The following KCNC2 variants were observed in gnomAD, a reference collection of about 807,000 sequenced individuals.
KCNC2 encodes the protein potassium voltage-gated channel subfamily C member 2.
Under a neutral mutation model 44.5 loss-of-function variants are expected in KCNC2, and 21 were observed. That is an observed-to-expected ratio of 0.47 (90% CI 0.33 to 0.68). KCNC2 has a LOEUF of 0.68. Among genes scored for constraint, KCNC2 ranks in the 30% least tolerant of loss-of-function variants. KCNC2 has a pLI of 0.01. For synonymous variants in KCNC2, 391 were observed against 339.1 expected (o/e 1.15, Z -1.68); for missense variants, 589 against 826.2 (o/e 0.71, Z 3.52).
intron 2 of KCNC2, among the ~76,000 whole-genome samples, chr12:75,181,014 A>G (rs530490178): frequency 6.6e-6 from 1 of 152,276 alleles, no homozygotes; most frequent in South Asian, 2.1e-4. Flanking sequence ...TGAACTTCTA[A>G]CATGTTGAGT....
At chr12:75,101,977 A>T (rs1484823434) in intron 2 of KCNC2, among the ~76,000 whole-genome samples, 2 of 152,132 alleles carry the variant, frequency 1.3e-5, no homozygotes, top group Non-Finnish European at 2.9e-5. Flanking sequence ...GGGAAATAAT[A>T]ATAGTATGTC....
chr12:75,167,696 T>C (rs1181054141), intron 2 of KCNC2, among the ~76,000 whole-genome samples: 1 of 151,480 alleles, frequency 6.6e-6, no homozygotes, highest in Non-Finnish European at 1.5e-5. Context: ...TCTGTGTTTA[T>C]GGCTCTTGTG....
intron 2 of KCNC2, among the ~76,000 whole-genome samples, chr12:75,079,492 A>G (rs1445126917): frequency 6.6e-6 from 1 of 152,162 alleles, no homozygotes; most frequent in Non-Finnish European, 1.5e-5. Context: ...AAATGGATAA[A>G]TGGAGTCTGA....
At chr12:75,069,341 G>A (rs1234364117) in intron 2 of KCNC2, among the ~76,000 whole-genome samples, 1 of 151,678 alleles carries the variant, frequency 6.6e-6, no homozygotes, top group Non-Finnish European at 1.5e-5. Context: ...TCTCCATGTT[G>A]GTCAGGCTGG....
chr12:75,175,206 G>C (rs1204413310), intron 2 of KCNC2, among the ~76,000 whole-genome samples: 1 of 151,942 alleles, frequency 6.6e-6, no homozygotes, highest in African/African-American at 2.4e-5. Context: ...TGAGGTGAGA[G>C]AGGCATTAGC....
At chr12:75,071,845 G>A (rs761105502) in intron 2 of KCNC2, among the ~76,000 whole-genome samples, 1 of 143,546 alleles carries the variant, frequency 7.0e-6, no homozygotes, top group Non-Finnish European at 1.5e-5. Context: ...GCTGAGGCAG[G>A]AGAATCGCTT....
chr12:75,090,551 C>A (rs1885387773), intron 2 of KCNC2, among the ~76,000 whole-genome samples: 1 of 151,644 alleles, frequency 6.6e-6, no homozygotes, highest in African/African-American at 2.4e-5. Context: ...TCCTTTACCC[C>A]TGCCACCAGT....
At chr12:75,100,418 T>C (rs1193567130) in intron 2 of KCNC2, among the ~76,000 whole-genome samples, 1 of 152,062 alleles carries the variant, frequency 6.6e-6, no homozygotes, top group African/African-American at 2.4e-5. Flanking sequence ...TGGCACTTAA[T>C]TTTAAAGGCT....
intron 2 of KCNC2, among the ~76,000 whole-genome samples, chr12:75,156,955 T>C (rs1890802423): frequency 1.3e-5 from 2 of 151,834 alleles, no homozygotes; most frequent in African/African-American, 4.8e-5. Flanking sequence ...GTGTTGACTA[T>C]GCGCTATAAA....
At chr12:75,117,807 G>T (rs190058952) in intron 2 of KCNC2, among the ~76,000 whole-genome samples, 4 of 151,950 alleles carry the variant, frequency 2.6e-5, no homozygotes, top group Non-Finnish European at 5.9e-5. Flanking sequence ...GTTTTTAAAC[G>T]AAGATCATAT....
At chr12:75,145,180 T>C (rs1847328533) in intron 2 of KCNC2, among the ~76,000 whole-genome samples, 1 of 152,026 alleles carries the variant, frequency 6.6e-6, no homozygotes, top group African/African-American at 2.4e-5. Context: ...GGTTGGTCTA[T>C]GTCTTAACTT....
intron 2 of KCNC2, among the ~76,000 whole-genome samples, chr12:75,087,507 G>T (rs562104426): frequency 6.6e-6 from 1 of 152,036 alleles, no homozygotes; most frequent in East Asian, 1.9e-4. Context: ...TGTAAAGACA[G>T]GATACATTTT....
At chr12:75,128,441 T>G (rs1888591884) in intron 2 of KCNC2, among the ~76,000 whole-genome samples, 1 of 152,166 alleles carries the variant, frequency 6.6e-6, no homozygotes, top group Non-Finnish European at 1.5e-5. Context: ...ACTTGGAGAA[T>G]TAAAGTCATA....
intron 2 of KCNC2, among the ~76,000 whole-genome samples, chr12:75,075,051 G>C (rs1883794354): frequency 6.6e-6 from 1 of 152,144 alleles, no homozygotes. Flanking sequence ...ATGTGGAGAA[G>C]TAGAGGAATG....
chr12:75,071,021 C>T (rs183294485), intron 2 of KCNC2, among the ~76,000 whole-genome samples: 263 of 151,748 alleles, frequency 1.7e-3, no homozygotes, highest in Non-Finnish European at 3.1e-3. Context: ...TTTCATGTAC[C>T]TATTACTTTT....
intron 2 of KCNC2, among the ~76,000 whole-genome samples, chr12:75,147,352 C>A (rs1383885052): frequency 6.6e-6 from 1 of 152,038 alleles, no homozygotes; most frequent in Non-Finnish European, 1.5e-5. Context: ...CAATGAAGCT[C>A]TGATTATTAA....
chr12:75,106,663 T>C (rs74469941), intron 2 of KCNC2, among the ~76,000 whole-genome samples: 23,759 of 152,046 alleles, frequency 0.16, 1,989 homozygotes, highest in Middle Eastern at 0.23. Flanking sequence ...CCCAATAAGA[T>C]AGAAGGTAAA....
intron 2 of KCNC2, among the ~76,000 whole-genome samples, chr12:75,176,474 C>A (rs1357234138): frequency 2.0e-5 from 3 of 151,890 alleles, no homozygotes; most frequent in Admixed American, 6.6e-5. Flanking sequence ...ATCTAGTGCC[C>A]TACACATTTT....
Position 75,207,232 on chromosome 12 carries a change from C to A in KCNC2, c.687+65G>T. On this transcript the variant is annotated intron_variant, in intron 2 of 4. Coordinates refer to ENST00000549446, the MANE Select transcript of KCNC2 (RefSeq NM_139137.4). This position sits in a 1 kb window ranked among gnomAD's most constrained non-coding sequence, Gnocchi z 4.1. The stretch of plus-strand genomic sequence containing the variant: ...CCTGAGGCCCTGGGGTGGAAAAGAA[C>A]AGAAAGTTGGGGAGGGAGTTGGGAG... 4 of 1,498,598 alleles carry A rather than the reference C, an allele frequency of 2.7e-6. No individual in the cohort carries two copies. Among genetic ancestry groups the A allele is most frequent in the Non-Finnish European group, 3.6e-6 (4 of 1,126,012 alleles). 92.8% of individuals were successfully genotyped at this position (1,498,598 alleles called of 1,614,324 possible). A position where few individuals can be genotyped will look rare whatever the true frequency, so the allele number is the denominator to read the frequency against.
Sources: gnomAD v4.1 joint callset for allele counts (sites outside exome capture counted in the v4.1 genomes callset) on GRCh38, gnomAD v4.1.1 for gene constraint, Gnocchi (gnomAD v3.1) non-coding constraint, MANE v1.5 for transcripts, NCBI Gene and HGNC (gene_info 2026-07-23, HGNC 2026-07-21) for gene names.